The following CDC14B variants were observed in gnomAD, a reference collection of about 807,000 sequenced individuals.
CDC14B encodes the protein cell division cycle 14B.
In CDC14B, 22 loss-of-function variants were observed where a neutral mutation model predicts 64.2. The ratio of observed to expected loss-of-function variants is 0.34; its 90% CI spans 0.24 to 0.49. The LOEUF (loss-of-function observed/expected upper bound fraction) is 0.49, where lower values mean the gene tolerates loss of function less well. Among genes scored for constraint, CDC14B ranks in the 20% least tolerant of loss-of-function variants. CDC14B has a pLI of 0.99. For synonymous variants in CDC14B, 191 were observed against 215.8 expected, an observed-to-expected ratio of 0.89 and a Z score of 1.01; for missense variants, 498 against 629.9, an observed-to-expected ratio of 0.79 and a Z score of 2.24.
intron 5 of CDC14B, among the ~76,000 whole-genome samples, chr9:96,551,110 G>GTTTTTTTTTTTTT (rs1841741325): frequency 4.5e-5 from 3 of 65,966 alleles, no homozygotes; most frequent in African/African-American, 3.4e-4. Context: ...TTTGGGGTTT[G>GTTTTTTTTTTTTT]CTTTTTTTTT....
chr9:96,570,759 A>G (rs113515178), intron 1 of CDC14B, among the ~76,000 whole-genome samples: 10 of 152,326 alleles, frequency 6.6e-5, no homozygotes, highest in African/African-American at 2.2e-4. Flanking sequence ...TATTCAGCTC[A>G]TTATACCCTG....
intron 1 of CDC14B, among the ~76,000 whole-genome samples, chr9:96,594,206 G>A (rs998563937): frequency 1.3e-5 from 2 of 152,190 alleles, no homozygotes; most frequent in Non-Finnish European, 2.9e-5. Context: ...TACCGCTGCT[G>A]CACAAAGAGT....
chr9:96,567,023 C>T, intron 1 of CDC14B: 4 of 1,352,814 alleles, frequency 3.0e-6, no homozygotes, highest in South Asian at 1.6e-5. Context: ...AAGCCCCGCG[C>T]GCGACGAGGC....
In CDC14B at chr9:96,564,904, T is replaced by C. The variant is rs778906717; in HGVS notation, c.252-52A>G. On this transcript the variant is annotated intron_variant, in intron 2 of 13. Coordinates refer to ENST00000375241, the MANE Select transcript of CDC14B (RefSeq NM_033331.4). ...ATGTACATTCTAGATGCTCTGAATA[T>C]AAATGCCTTTTTTGGGTCTACAAGA... is the stretch of plus-strand genomic sequence containing the variant. The C allele has an allele frequency of 1.6e-5, 19 of 1,224,480 alleles. No individual in the cohort carries two copies. The South Asian group carries it at 2.6e-4, about 17-fold the overall frequency. 75.9% of individuals were successfully genotyped at this position (1,224,480 alleles called of 1,614,324 possible). A position where few individuals can be genotyped will look rare whatever the true frequency, so the allele number is the denominator to read the frequency against.
At chr9:96,548,187 C>T (rs1841267737) in intron 5 of CDC14B, among the ~76,000 whole-genome samples, 1 of 152,018 alleles carries the variant, frequency 6.6e-6, no homozygotes, top group South Asian at 2.1e-4. Context: ...ACAGAGATGT[C>T]AGTAGCAGAG....
At chr9:96,495,026 G>A (rs894331894) in intron 13 of CDC14B, among the ~76,000 whole-genome samples, 1 of 151,656 alleles carries the variant, frequency 6.6e-6, no homozygotes, top group Non-Finnish European at 1.5e-5. Flanking sequence ...AGTAGAGACG[G>A]GGTTTCACCG....
At chr9:96,566,970 C>T in intron 1 of CDC14B, 1 of 1,459,950 alleles carries the variant, frequency 6.8e-7, no homozygotes, top group Non-Finnish European at 9.0e-7. Flanking sequence ...GCCCAACGGC[C>T]TGACACGACA....
chr9:96,518,844 AATT>A (rs1452289751), intron 12 of CDC14B, among the ~76,000 whole-genome samples: 4 of 152,104 alleles, frequency 2.6e-5, no homozygotes, highest in African/African-American at 9.7e-5. Flanking sequence ...ATGGCTTAAG[AATT>A]ATTTTCCGGC....
chr9:96,542,248 A>G (rs983250323), intron 5 of CDC14B, among the ~76,000 whole-genome samples: 1 of 144,594 alleles, frequency 6.9e-6, no homozygotes, highest in African/African-American at 2.9e-5. Context: ...TTTTTTCTTT[A>G]AACTGGAAAA....
chr9:96,563,494 T>C (rs1438983630), intron 3 of CDC14B, among the ~76,000 whole-genome samples: 3 of 151,772 alleles, frequency 2.0e-5, no homozygotes, highest in Non-Finnish European at 4.4e-5. Flanking sequence ...CTACTAAAAA[T>C]ACAAAACTAG....
intron 13 of CDC14B, among the ~76,000 whole-genome samples, chr9:96,508,842 C>T (rs1834535192): frequency 6.6e-6 from 1 of 152,186 alleles, no homozygotes; most frequent in East Asian, 1.9e-4. Context: ...ATATACATGG[C>T]AGGGAAGCTG....
chr9:96,522,672 C>A, intron 11 of CDC14B, 69 bp from the exon 12 acceptor site: 1 of 961,052 alleles, frequency 1.0e-6, no homozygotes, highest in Non-Finnish European at 1.7e-6. Context: ...AGCAGAGCAG[C>A]AATTTATCCA....
chr9:96,571,712 T>C (rs749083840), intron 1 of CDC14B, among the ~76,000 whole-genome samples: 1 of 152,160 alleles, frequency 6.6e-6, no homozygotes, highest in African/African-American at 2.4e-5. Flanking sequence ...TTACAACATC[T>C]TGTTATATGC....
chr9:96,542,337 A>G (rs1840175708), intron 5 of CDC14B, among the ~76,000 whole-genome samples: 1 of 152,122 alleles, frequency 6.6e-6, no homozygotes, highest in East Asian at 1.9e-4. Flanking sequence ...GTCTATTTAT[A>G]CGTGTGTCTG....
chr9:96,603,778 C>T (rs562105668), intron 1 of CDC14B, among the ~76,000 whole-genome samples: 2 of 152,056 alleles, frequency 1.3e-5, no homozygotes. Flanking sequence ...AAAGACACTG[C>T]GCAAGATTTT....
rs147292263 is a variant in CDC14B, at chr9:96,503,455, A to G, written c.*298T>C. On this transcript the variant is annotated 3_prime_UTR_variant, in exon 14 of 14. Coordinates refer to ENST00000375241, the MANE Select transcript of CDC14B (RefSeq NM_033331.4). Reference sequence around the variant, plus strand: ...GCCATCACAGGGACACACATGCACCACAGACCAGCCAGCTCCCTGGGTACC... The same window carrying G: ...GCCATCACAGGGACACACATGCACCGCAGACCAGCCAGCTCCCTGGGTACC... 2.5e-6 allele frequency: 1 copy of G among 402,822 alleles called. No individual in the cohort carries two copies. The highest frequency in any genetic ancestry group is 4.4e-5 in the Admixed American group (1 of 22,700). 25.0% of individuals were successfully genotyped at this position (402,822 alleles called of 1,614,324 possible).
rs867330107 is a variant in CDC14B, at chr9:96,514,776, G to C, written c.1344-4987C>G. ...AGGGTGGCGGTGGACCCCGTGACAC[G>C]GACACACCCGCCTTCTGGGGGTCTT... is the stretch of plus-strand genomic sequence containing the variant. On this transcript the variant is annotated intron_variant, in intron 12 of 13. Transcript: ENST00000375241. 9.1e-6 allele frequency: 9 copies of C among 985,358 alleles called. No homozygotes were observed. In the African/African-American group the frequency reaches 1.2e-4, roughly 13 times the overall value. The allele number at this position is 985,358 out of a possible 1,614,324, so 61.0% of individuals were successfully genotyped here.
chr9:96,521,402 T>C (rs1428702261), intron 12 of CDC14B, among the ~76,000 whole-genome samples: 1 of 152,190 alleles, frequency 6.6e-6, no homozygotes, highest in Admixed American at 6.5e-5. Context: ...TTTAAAAAAG[T>C]ATAGTTGACT....
chr9:96,582,630 AC>A (rs1845221790), intron 1 of CDC14B, among the ~76,000 whole-genome samples: 1 of 152,170 alleles, frequency 6.6e-6, no homozygotes, highest in Admixed American at 6.5e-5. Context: ...TGGCGAGTGT[AC>A]CCTTTCTGCA....
Sources: gnomAD v4.1 joint callset for allele counts (sites outside exome capture counted in the v4.1 genomes callset) on GRCh38, gnomAD v4.1.1 for gene constraint, MANE v1.5 for transcripts, NCBI Gene and HGNC (gene_info 2026-07-23, HGNC 2026-07-21) for gene names.